The following SHANK2 variants were observed in gnomAD, a reference collection of about 807,000 sequenced individuals.
The protein encoded by SHANK2 is SH3 and multiple ankyrin repeat domains 2.
A neutral mutation model predicts 133.7 loss-of-function variants in SHANK2; 43 were observed. That is an observed-to-expected ratio of 0.32 (90% CI 0.25 to 0.41). The LOEUF is 0.41. Among genes scored for constraint, SHANK2 ranks in the 10% least tolerant of loss-of-function variants. SHANK2 has a pLI of 1.00. For missense variants in SHANK2, 1,994 were observed against 2,235.8 expected (o/e 0.89, Z 2.18); for synonymous variants, 1,017 against 952.8 (o/e 1.07, Z -1.24).
intron 10 of SHANK2, among the ~76,000 whole-genome samples, chr11:70,916,609 A>T (rs1157453319): frequency 6.6e-6 from 1 of 152,118 alleles, no homozygotes; most frequent in South Asian, 2.1e-4. Context: ...CGGCAAGAGG[A>T]TGATGACCTA....
chr11:70,670,647 G>T (rs1944781710), intron 15 of SHANK2, among the ~76,000 whole-genome samples: 2 of 152,236 alleles, frequency 1.3e-5, no homozygotes, highest in Admixed American at 6.5e-5. Flanking sequence ...CTGCTTCCTG[G>T]TCGGAGAGTT....
intron 2 of SHANK2, among the ~76,000 whole-genome samples, chr11:71,151,649 G>C (rs1249941484): frequency 6.6e-6 from 1 of 152,216 alleles, no homozygotes; most frequent in Non-Finnish European, 1.5e-5. Flanking sequence ...TAGTGTGGTA[G>C]CGAGGCCAGC....
At chr11:71,056,633 T>G (rs1950924669) in intron 9 of SHANK2, 75 bp from the exon 10 acceptor site, 1 of 152,208 alleles carries the variant, frequency 6.6e-6, no homozygotes, top group Admixed American at 6.5e-5. Context: ...GTCCAGAGTC[T>G]CAAGCTCACG....
intron 3 of SHANK2, among the ~76,000 whole-genome samples, chr11:71,142,661 A>C (rs1461692938): frequency 6.6e-6 from 1 of 152,236 alleles, no homozygotes; most frequent in Non-Finnish European, 1.5e-5. Flanking sequence ...TAACACAGAA[A>C]AAGTAACAAA....
At chr11:70,792,188 C>T (rs1487523077) in intron 14 of SHANK2, among the ~76,000 whole-genome samples, 4 of 151,970 alleles carry the variant, frequency 2.6e-5, no homozygotes, top group Admixed American at 6.5e-5. Flanking sequence ...GTCAGCCAGA[C>T]AGCTAATCAA....
intron 10 of SHANK2, among the ~76,000 whole-genome samples, chr11:70,910,695 C>G (rs1014440139): frequency 1.3e-5 from 2 of 151,922 alleles, no homozygotes; most frequent in East Asian, 1.9e-4. Flanking sequence ...TAATCCCAGC[C>G]TCTTGGGAGG....
At chr11:70,660,092 C>T in intron 16 of SHANK2, 140 bp from the exon 17 acceptor site, 2 of 1,034,392 alleles carry the variant, frequency 1.9e-6, no homozygotes. Context: ...CCAACTCTCC[C>T]CCAGGAAGGG....
intron 17 of SHANK2, among the ~76,000 whole-genome samples, chr11:70,625,111 G>T (rs910396403): frequency 1.3e-5 from 2 of 152,146 alleles, no homozygotes; most frequent in Admixed American, 1.3e-4. Context: ...TACAGCAAAG[G>T]GATCCAGGCT....
chr11:70,867,544 G>A (rs146007445), intron 11 of SHANK2, among the ~76,000 whole-genome samples: 4 of 152,322 alleles, frequency 2.6e-5, no homozygotes, highest in East Asian at 1.9e-4. Flanking sequence ...TCACAACCTC[G>A]CTGCCCCAGC....
chr11:70,583,588 G>A (rs1554985999), intron 17 of SHANK2, among the ~76,000 whole-genome samples: 1 of 152,238 alleles, frequency 6.6e-6, no homozygotes, highest in African/African-American at 2.4e-5. Context: ...CAGCTGCCCA[G>A]ATGGCACGGA....
rs1555078879 is a variant in SHANK2, at chr11:70,910,970, G to C, written c.1108-14403C>G. ...GTGCACATAATTCGATTTTTGCTAAGCCATGATGATGCATCCCTCTCTAAA... is the reference window on the plus strand; with the variant it reads ...GTGCACATAATTCGATTTTTGCTAACCCATGATGATGCATCCCTCTCTAAA... On this transcript the variant is annotated intron_variant, in intron 10 of 25. Transcript: ENST00000601538. 3 of 456,836 alleles carry C rather than the reference G, an allele frequency of 6.6e-6. No homozygotes were observed. The Admixed American group carries it at 7.0e-5, about 11-fold the overall frequency. 28.3% of individuals were successfully genotyped at this position (456,836 alleles called of 1,614,324 possible).
intron 2 of SHANK2, among the ~76,000 whole-genome samples, chr11:71,207,398 T>C (rs992855277): frequency 4.6e-5 from 7 of 152,296 alleles, no homozygotes; most frequent in South Asian, 2.1e-4. Flanking sequence ...CAGGCTGATC[T>C]TGAACTCCTG....
intron 8 of SHANK2, among the ~76,000 whole-genome samples, chr11:71,087,895 C>T (rs1236741113): frequency 1.3e-5 from 2 of 152,276 alleles, no homozygotes; most frequent in East Asian, 3.9e-4. Flanking sequence ...TCCCAAAGTG[C>T]TGGGATTACA....
intron 2 of SHANK2, among the ~76,000 whole-genome samples, chr11:71,149,891 GA>G (rs1262574718): frequency 1.5e-5 from 1 of 68,610 alleles, no homozygotes; most frequent in Non-Finnish European, 2.7e-5. Flanking sequence ...AGGAAAGAAG[GA>G]AGGAAAAAAG....
intron 17 of SHANK2, among the ~76,000 whole-genome samples, chr11:70,514,647 T>C (rs1182225089): frequency 3.3e-5 from 5 of 152,326 alleles, no homozygotes; most frequent in African/African-American, 1.2e-4. Context: ...GAGTGTACAA[T>C]TTGAACTCTA....
intron 11 of SHANK2, among the ~76,000 whole-genome samples, chr11:70,859,637 A>T (rs1949226404): frequency 6.6e-6 from 1 of 152,172 alleles, no homozygotes; most frequent in African/African-American, 2.4e-5. Context: ...AGTCAGAGAA[A>T]CTTCTTCAGA....
At chr11:70,736,506 C>G (rs959049348) in intron 14 of SHANK2, among the ~76,000 whole-genome samples, 1 of 152,122 alleles carries the variant, frequency 6.6e-6, no homozygotes, top group Non-Finnish European at 1.5e-5. Flanking sequence ...GAGCAGAAGG[C>G]CATGGGAGAA....
chr11:71,189,835 G>A (rs918989144), intron 2 of SHANK2, among the ~76,000 whole-genome samples: 5 of 152,232 alleles, frequency 3.3e-5, no homozygotes, highest in East Asian at 1.9e-4. Context: ...GAATGAACAC[G>A]GGAAAGGCCG....
At chr11:71,146,664 G>C (rs1427722999) in intron 3 of SHANK2, among the ~76,000 whole-genome samples, 1 of 152,222 alleles carries the variant, frequency 6.6e-6, no homozygotes, top group Non-Finnish European at 1.5e-5. Context: ...CCCTGGAAGT[G>C]GGGGAGCATG....
Sources: allele counts gnomAD v4.1 joint callset (sites outside exome capture counted in the v4.1 genomes callset), GRCh38; gene constraint gnomAD v4.1.1; transcripts MANE v1.5; gene names NCBI Gene and HGNC (gene_info 2026-07-23, HGNC 2026-07-21).